LRRC63: variants seen among roughly 807,000 people sequenced by gnomAD.
LRRC63 encodes leucine rich repeat containing 63, also known as leucine-rich repeat-containing protein 63.
LRRC63 carries 40 observed loss-of-function variants against 49.5 expected under a neutral mutation model. That is an observed-to-expected ratio of 0.81 (90% CI 0.63 to 1.05). The LOEUF is 1.05. Ranked by LOEUF, LRRC63 falls within the 50% of genes least tolerant of loss-of-function variation. The pLI is 0.00. For synonymous variants in LRRC63, 191 were observed against 221.1 expected, an observed-to-expected ratio of 0.86 and a Z score of 1.21; for missense variants, 636 against 663.1, an observed-to-expected ratio of 0.96 and a Z score of 0.45.
chr13:46,212,332 C>G (rs529121940), intron 1 of LRRC63, 73 bp downstream of exon 1: 1 of 152,366 alleles, frequency 6.6e-6, no homozygotes, highest in African/African-American at 2.4e-5. Context: ...GTGCCAGGCA[C>G]TTTTGATGTT....
At chr13:46,267,671 GT>G (rs751102567) in intron 9 of LRRC63, among the ~76,000 whole-genome samples, 17 of 152,148 alleles carry the variant, frequency 1.1e-4, no homozygotes, top group Non-Finnish European at 2.4e-4. Context: ...TTGAACAGTG[GT>G]TAAAAATCTA....
At position 46,227,778 on chromosome 13, in the gene LRRC63, AC is replaced by A. The variant is rs1236299287; in HGVS notation, c.353del (p.Thr118IlefsTer20). On this transcript the variant is annotated frameshift_variant, in exon 3 of 10. Transcript: ENST00000595396. LOFTEE classifies it high-confidence loss of function. ...TTTTCCACATTGTAATTCAGCTTCT[AC>A]TCGAATTTTTGGGAAACAAACAAAC... 1 of 1,550,320 alleles carries A rather than the reference AC, an allele frequency of 6.5e-7. No homozygotes were observed. The highest frequency in any genetic ancestry group is 2.4e-5 in the East Asian group (1 of 40,912).
At chr13:46,245,330 C>T (rs932616678) in intron 5 of LRRC63, among the ~76,000 whole-genome samples, 5 of 152,088 alleles carry the variant, frequency 3.3e-5, no homozygotes, top group Admixed American at 6.5e-5. Context: ...TATAGAAGAT[C>T]TGAAATAACT....
intron 2 of LRRC63, among the ~76,000 whole-genome samples, chr13:46,224,367 A>G (rs1464763655): frequency 3.3e-5 from 5 of 152,024 alleles, no homozygotes; most frequent in Non-Finnish European, 7.4e-5. Flanking sequence ...AATATATTTT[A>G]TATTTTCTTC....
chr13:46,240,482 G>A (rs1360399022), intron 5 of LRRC63, among the ~76,000 whole-genome samples: 2 of 151,930 alleles, frequency 1.3e-5, no homozygotes, highest in African/African-American at 2.4e-5. Flanking sequence ...TCCTGGCCAG[G>A]GTAATCAGGC....
At chr13:46,261,856 C>T in intron 7 of LRRC63, 53 bp from the exon 8 acceptor site, 1 of 526,840 alleles carries the variant, frequency 1.9e-6, no homozygotes. Flanking sequence ...CTTATTTATT[C>T]CCAGTGGTGA....
chr13:46,215,409 T>G (rs1298816034), intron 2 of LRRC63, among the ~76,000 whole-genome samples: 3 of 152,242 alleles, frequency 2.0e-5, no homozygotes, highest in South Asian at 4.1e-4. Flanking sequence ...TGTAAATGTC[T>G]TCTTTTAAGA....
At chr13:46,250,322 C>A (rs549479480) in intron 6 of LRRC63, 33 bp from the exon 7 acceptor site, 3 of 1,431,644 alleles carry the variant, frequency 2.1e-6, no homozygotes, top group Non-Finnish European at 2.8e-6. Context: ...TTTATTATTC[C>A]GCTCATGTTT....
At chr13:46,216,959 G>A (rs976833557) in intron 2 of LRRC63, among the ~76,000 whole-genome samples, 4 of 152,144 alleles carry the variant, frequency 2.6e-5, no homozygotes, top group East Asian at 3.8e-4. Context: ...GGATGAAGCC[G>A]ACTTGATTGT....
At chr13:46,246,295 G>A (rs2047210540) in intron 5 of LRRC63, among the ~76,000 whole-genome samples, 1 of 152,082 alleles carries the variant, frequency 6.6e-6, no homozygotes, top group Non-Finnish European at 1.5e-5. Flanking sequence ...TTATAGTAGT[G>A]TGAGAACAGC....
At chr13:46,255,724 T>G (rs913821053) in intron 7 of LRRC63, among the ~76,000 whole-genome samples, 18 of 151,308 alleles carry the variant, frequency 1.2e-4, no homozygotes, top group African/African-American at 3.2e-4. Flanking sequence ...TTTCTAAAAT[T>G]TTTAGGTATA....
intron 7 of LRRC63, among the ~76,000 whole-genome samples, chr13:46,261,167 T>C (rs921435531): frequency 6.6e-6 from 1 of 152,224 alleles, no homozygotes; most frequent in Non-Finnish European, 1.5e-5. Flanking sequence ...AGTACTTGTC[T>C]TGATGGAAAG....
chr13:46,214,222 G>A (rs1459272774), intron 2 of LRRC63, among the ~76,000 whole-genome samples: 2 of 152,024 alleles, frequency 1.3e-5, no homozygotes, highest in Non-Finnish European at 2.9e-5. Flanking sequence ...AATATACCTA[G>A]TCTATAACTT....
intron 5 of LRRC63, among the ~76,000 whole-genome samples, chr13:46,238,482 GGTTT>G (rs1566488423): frequency 1.4e-5 from 2 of 147,480 alleles, no homozygotes; most frequent in Admixed American, 6.7e-5. Flanking sequence ...AAAAAAAAGA[GGTTT>G]AATGGACTGA....
chr13:46,241,235 T>C (rs930626434), intron 5 of LRRC63, among the ~76,000 whole-genome samples: 3 of 152,210 alleles, frequency 2.0e-5, no homozygotes, highest in African/African-American at 7.2e-5. Context: ...GGATTCCCTA[T>C]TCAATAAATA....
intron 2 of LRRC63, among the ~76,000 whole-genome samples, chr13:46,224,377 C>G (rs1218637123): frequency 6.6e-6 from 1 of 152,000 alleles, no homozygotes; most frequent in African/African-American, 2.4e-5. Flanking sequence ...ATATTTTCTT[C>G]AATTAATTCT....
chr13:46,212,243 G>A (rs1394729296), exon 1 of LRRC63: 1 of 152,274 alleles, frequency 6.6e-6, no homozygotes. Context: ...GCGCTTGTGT[G>A]CAGTTATCTT....
chr13:46,237,790 G>A (rs1019879204), intron 5 of LRRC63, among the ~76,000 whole-genome samples: 1 of 151,528 alleles, frequency 6.6e-6, no homozygotes, highest in Non-Finnish European at 1.5e-5. Context: ...AAAATGAAGG[G>A]GATTGTAAGA....
intron 6 of LRRC63, chr13:46,249,873 T>G (rs2138521052): frequency 6.6e-6 from 1 of 152,218 alleles, no homozygotes; most frequent in Middle Eastern, 3.4e-3. Flanking sequence ...AAGAGGAAGA[T>G]AATAGATTTA....
Sources: gnomAD v4.1 joint callset for allele counts (sites outside exome capture counted in the v4.1 genomes callset) on GRCh38, gnomAD v4.1.1 for gene constraint, MANE v1.5 for transcripts, NCBI Gene and HGNC (gene_info 2026-07-23, HGNC 2026-07-21) for gene names.